The following MICAL3 variants were observed in gnomAD, a reference collection of about 807,000 sequenced individuals.
MICAL3 encodes the protein microtubule associated monooxygenase, calponin and LIM domain containing 3.
MICAL3 carries 62 observed loss-of-function variants against 207.4 expected under a neutral mutation model. That is an observed-to-expected ratio of 0.30 (90% CI 0.24 to 0.37). MICAL3 has a LOEUF of 0.37. Among genes scored for constraint, MICAL3 ranks in the 10% least tolerant of loss-of-function variants. The probability of loss-of-function intolerance (pLI) is 1.00; values close to 1 mark genes in which losing one functional copy is unlikely to be tolerated. For synonymous variants in MICAL3, 1,077 were observed against 1,069.3 expected (o/e 1.01, Z -0.14); for missense variants, 2,368 against 2,635.6 (o/e 0.90, Z 2.22).
chr22:17,869,620 C>T (rs1461302185), intron 17 of MICAL3, among the ~76,000 whole-genome samples: 3 of 152,188 alleles, frequency 2.0e-5, no homozygotes, highest in Non-Finnish European at 4.4e-5. Flanking sequence ...ACAAATAGCA[C>T]CACAAGTAAA....
intron 1 of MICAL3, among the ~76,000 whole-genome samples, chr22:17,942,188 T>C (rs1933839388): frequency 6.6e-6 from 1 of 152,168 alleles, no homozygotes; most frequent in South Asian, 2.1e-4. Context: ...AGCCCGGTGA[T>C]TGTATGCTTG....
At chr22:17,963,039 A>AG (rs1338244224) in intron 1 of MICAL3, among the ~76,000 whole-genome samples, 1 of 152,204 alleles carries the variant, frequency 6.6e-6, no homozygotes, top group East Asian at 1.9e-4. Flanking sequence ...GGTGTGAGCC[A>AG]CCACACCTAG....
chr22:17,892,369 G>A (rs534134608), intron 11 of MICAL3, among the ~76,000 whole-genome samples: 3 of 152,206 alleles, frequency 2.0e-5, no homozygotes, highest in African/African-American at 7.2e-5. Context: ...CTCTGATATC[G>A]GCCATTCAAA....
chr22:17,928,051 G>A (rs1373101087), intron 1 of MICAL3, among the ~76,000 whole-genome samples: 2 of 152,294 alleles, frequency 1.3e-5, no homozygotes, highest in Non-Finnish European at 1.5e-5. Context: ...ATTTACATGT[G>A]TCTTGCCATA....
chr22:17,936,229 C>T (rs975280318), intron 1 of MICAL3, among the ~76,000 whole-genome samples: 29 of 152,166 alleles, frequency 1.9e-4, no homozygotes, highest in African/African-American at 4.6e-4. Context: ...ACATACACCA[C>T]GGAATACTAT....
intron 1 of MICAL3, among the ~76,000 whole-genome samples, chr22:18,011,061 C>T (rs1159006358): frequency 6.6e-6 from 1 of 152,204 alleles, no homozygotes; most frequent in Non-Finnish European, 1.5e-5. Context: ...GATCACAGGC[C>T]TGCAGTGCTG....
chr22:17,973,356 C>T (rs766801515), intron 1 of MICAL3, among the ~76,000 whole-genome samples: 2 of 152,196 alleles, frequency 1.3e-5, no homozygotes, highest in Non-Finnish European at 2.9e-5. Flanking sequence ...AGTCTGAAAT[C>T]TGATAAGAGA....
At position 17,913,834 on chromosome 22, in the gene MICAL3, A is replaced by G. The variant is rs1932296276; in HGVS notation, c.-74-6948T>C. Among the ~76,000 whole-genome samples, 3 of 152,176 alleles carry G rather than the reference A, an allele frequency of 2.0e-5. No individual in the cohort carries two copies. In the South Asian group the frequency reaches 6.2e-4, roughly 32 times the overall value. ...CTCTGCCTTGCAGTTCTGTCACCCCAAACACATTAAAATGTCTGAATCATA... is the reference window on the plus strand; with the variant it reads ...CTCTGCCTTGCAGTTCTGTCACCCCGAACACATTAAAATGTCTGAATCATA... On this transcript the variant is annotated intron_variant, in intron 1 of 31. Transcript: ENST00000441493.
Position 17,823,067 on chromosome 22 carries a change from A to G in MICAL3, c.3194-7T>C, listed in dbSNP as rs771353756. On this transcript the variant is annotated splice_polypyrimidine_tract_variant and splice_region_variant and intron_variant, in intron 22 of 31. Coordinates refer to ENST00000441493, the MANE Select transcript of MICAL3 (RefSeq NM_015241.3). ...TCATTCTCATCCAATGGGGCTGCAAAGCAGAAAGGTTCAAAGGAAGGAAGA... is the reference window on the plus strand; with the variant it reads ...TCATTCTCATCCAATGGGGCTGCAAGGCAGAAAGGTTCAAAGGAAGGAAGA... The G allele has an allele frequency of 6.4e-7, 1 of 1,573,096 alleles. No individual in the cohort carries two copies. The highest frequency in any genetic ancestry group is 1.1e-5 in the South Asian group (1 of 90,172).
rs763229922 is a variant in MICAL3, at chr22:17,967,498, ACACACC to A, written c.-75+56777_-75+56782del. On this transcript the variant is annotated intron_variant, in intron 1 of 31. Coordinates refer to ENST00000441493, the MANE Select transcript of MICAL3 (RefSeq NM_015241.3). ...CACACACACACACACACACACCCACACACACCCACTCATGCCTACAGCATGGGGATC... is the reference window on the plus strand; with the variant it reads ...CACACACACACACACACACACCCACACACTCATGCCTACAGCATGGGGATC... 9.8e-3 allele frequency among the ~76,000 whole-genome samples: 1,479 copies of A among 151,078 alleles called. 10 individuals are homozygous for A. The highest frequency in any genetic ancestry group is 0.017 in the Middle Eastern group (5 of 286).
At chr22:17,967,486 A>ACACACACACACACACACC (rs147100307) in intron 1 of MICAL3, among the ~76,000 whole-genome samples, 13 of 145,590 alleles carry the variant, frequency 8.9e-5, no homozygotes, top group African/African-American at 3.1e-4. Flanking sequence ...ACACACACAC[A>ACACACACACACACACACC]CACACACCCA....
chr22:17,900,776 C>T lies in MICAL3; in HGVS notation c.847+66G>A. The T allele has an allele frequency of 6.6e-7, 1 of 1,507,552 alleles. No individual in the cohort carries two copies. The highest frequency in any genetic ancestry group is 1.4e-5 in the African/African-American group (1 of 72,374). The allele number at this position is 1,507,552 out of a possible 1,614,324, so 93.4% of individuals were successfully genotyped here. A position where few individuals can be genotyped will look rare whatever the true frequency, so the allele number is the denominator to read the frequency against. On this transcript the variant is annotated intron_variant, in intron 6 of 31. Coordinates refer to ENST00000441493, the MANE Select transcript of MICAL3 (RefSeq NM_015241.3). This position sits in a 1 kb window ranked among gnomAD's most constrained non-coding sequence, Gnocchi z 4.0. ...GACGGCCACTCACCCCACCAATCCC[C>T]CAAGAAAAAGCCACCAGGGACTATT...
intron 29 of MICAL3, among the ~76,000 whole-genome samples, chr22:17,802,756 T>A (rs1178450385): frequency 1.3e-5 from 2 of 152,108 alleles, no homozygotes; most frequent in Admixed American, 6.5e-5. Context: ...GAGACAATTA[T>A]CTTTGCCATT....
At chr22:17,802,604 A>G (rs1171649710) in intron 29 of MICAL3, among the ~76,000 whole-genome samples, 1 of 152,186 alleles carries the variant, frequency 6.6e-6, no homozygotes, top group Non-Finnish European at 1.5e-5. Context: ...AGACAGCAAC[A>G]GTCTCTCTTC....
chr22:18,003,755 GTCTGGGATACCCTT>G (rs1923194759), intron 1 of MICAL3, among the ~76,000 whole-genome samples: 1 of 151,900 alleles, frequency 6.6e-6, no homozygotes, highest in Non-Finnish European at 1.5e-5. Context: ...CACGCAGGGA[GTCTGGGATACCCTT>G]TCTTTATTTT....
chr22:17,942,393 G>A (rs978846200), intron 1 of MICAL3, among the ~76,000 whole-genome samples: 2 of 152,114 alleles, frequency 1.3e-5, no homozygotes, highest in Admixed American at 6.6e-5. Context: ...CCAGTCCTCT[G>A]CCTGGTACCA....
At chr22:17,847,100 G>T (rs1381543767) in intron 19 of MICAL3, among the ~76,000 whole-genome samples, 4 of 152,158 alleles carry the variant, frequency 2.6e-5, no homozygotes, top group African/African-American at 9.7e-5. Context: ...AAGAGGCAGG[G>T]TCTTCCCAGG....
chr22:17,872,806 T>C (rs1927857098), intron 16 of MICAL3: 4 of 1,613,720 alleles, frequency 2.5e-6, no homozygotes, highest in Non-Finnish European at 2.5e-6. Flanking sequence ...TGATTGGCTA[T>C]CTGCTCAGCC....
intron 1 of MICAL3, among the ~76,000 whole-genome samples, chr22:18,018,273 T>G (rs182744830): frequency 5.9e-5 from 9 of 152,382 alleles, no homozygotes; most frequent in African/African-American, 2.2e-4. Context: ...TCTATTTTTT[T>G]GCTAGCTCTT....
Sources: gnomAD v4.1 joint callset for allele counts (sites outside exome capture counted in the v4.1 genomes callset) on GRCh38, gnomAD v4.1.1 for gene constraint, Gnocchi (gnomAD v3.1) non-coding constraint, MANE v1.5 for transcripts, NCBI Gene and HGNC (gene_info 2026-07-23, HGNC 2026-07-21) for gene names.